The following ZNF248 variants were observed in gnomAD, a reference collection of about 807,000 sequenced individuals.
ZNF248 encodes the protein KRAB protein domain.
ZNF248 carries 20 observed loss-of-function variants against 44.3 expected under a neutral mutation model. The ratio of observed to expected loss-of-function variants is 0.45; its 90% CI spans 0.32 to 0.66. The LOEUF is 0.66. Among genes scored for constraint, ZNF248 ranks in the 30% least tolerant of loss-of-function variants. ZNF248 has a pLI of 0.04. For missense variants in ZNF248, 654 were observed against 677.0 expected, an observed-to-expected ratio of 0.97 and a Z score of 0.38; for synonymous variants, 224 against 229.0, an observed-to-expected ratio of 0.98 and a Z score of 0.20.
chr10:37,831,796 T>C lies in ZNF248; in HGVS notation c.1559A>G (p.Tyr520Cys), dbSNP rs1271193357. Residue 520 changes from tyrosine (Y) to cysteine (C), a missense_variant, in exon 6 of 6, where the codon TAT becomes TGT. By Grantham distance (194) the Tyr-to-Cys change is radical. Transcript: ENST00000395867. ...GGTTTTCCCACATTCATTACACTTA[T>C]ATGGTTTCTCCCCAGTGTGAGTTCT... Reference protein sequence around the residue: ...HQRTHTGEKPYKCNECGKTFC... With the variant: ...HQRTHTGEKPCKCNECGKTFC... 5.6e-6 allele frequency: 9 copies of C among 1,613,124 alleles called. No individual in the cohort carries two copies. The highest frequency in any genetic ancestry group is 1.3e-5 in the African/African-American group (1 of 74,880).
At position 37,830,445 on chromosome 10, in the gene ZNF248, T is replaced by C; in HGVS notation, c.*1170A>G. The C allele has an allele frequency of 1.0e-6, 1 of 985,342 alleles. No homozygotes were observed. Among genetic ancestry groups the C allele is most frequent in the Non-Finnish European group, 1.2e-6 (1 of 829,912 alleles). The allele number at this position is 985,342 out of a possible 1,614,324, so 61.0% of individuals were successfully genotyped here. On this transcript the variant is annotated 3_prime_UTR_variant, in exon 6 of 6. Coordinates refer to ENST00000395867, the MANE Select transcript of ZNF248 (RefSeq NM_021045.3). ...CCAACCTACAAAGAGACTCCGGTAG[T>C]ATTTAGAGTAGGACAGATTCAGAGG...
chr10:37,807,434 G>A (rs926461443), intron 6 of ZNF248, among the ~76,000 whole-genome samples: 10 of 152,102 alleles, frequency 6.6e-5, no homozygotes, highest in Admixed American at 2.6e-4. Flanking sequence ...AGAAGTTTTT[G>A]GATATATTTT....
chr10:37,775,890 G>A (rs2046547342), downstream of ZNF248, among the ~76,000 whole-genome samples: 1 of 152,168 alleles, frequency 6.6e-6, no homozygotes, highest in Non-Finnish European at 1.5e-5. Flanking sequence ...AACCTGGCAG[G>A]TGACTTACCT....
chr10:37,779,972 C>G (rs969733695), intron 6 of ZNF248, among the ~76,000 whole-genome samples: 301 of 150,430 alleles, frequency 2.0e-3, no homozygotes, highest in Non-Finnish European at 3.6e-3. Context: ...TGTGAAGGAC[C>G]TCTTCAAGGA....
chr10:37,818,041 A>T (rs1180646525), intron 6 of ZNF248, among the ~76,000 whole-genome samples: 1 of 151,930 alleles, frequency 6.6e-6, no homozygotes, highest in East Asian at 1.9e-4. Flanking sequence ...TCAGTCTCCC[A>T]AGTAGCTGGG....
At chr10:37,853,674 C>T (rs2060735283) in intron 3 of ZNF248, among the ~76,000 whole-genome samples, 1 of 152,020 alleles carries the variant, frequency 6.6e-6, no homozygotes, top group Non-Finnish European at 1.5e-5. Context: ...GCCACGGTGC[C>T]CGGCCACCGG....
At chr10:37,837,879 C>A in intron 4 of ZNF248, 106 bp downstream of exon 4, 1 of 1,462,810 alleles carries the variant, frequency 6.8e-7, no homozygotes, top group South Asian at 1.3e-5. Context: ...CAAATGGGAT[C>A]AGTCATCTCA....
In ZNF248 at chr10:37,839,281, C is replaced by A. The variant is rs183686034; in HGVS notation, c.16-1170G>T. ...TTCTGTGAGACTCCATTGGGAGAAA[C>A]CTCTAGGAATTTCGCTGATTTTGCT... On this transcript the variant is annotated intron_variant, in intron 3 of 5. Transcript: ENST00000395867. Among the ~76,000 whole-genome samples the A allele has an allele frequency of 2.6e-3, 394 of 152,246 alleles. 1 individual carries two copies. Among genetic ancestry groups the A allele is most frequent in the African/African-American group, 8.8e-3 (367 of 41,538 alleles).
chr10:37,790,740 TTA>T (rs1491173054), intron 6 of ZNF248, among the ~76,000 whole-genome samples: 2 of 139,026 alleles, frequency 1.4e-5, no homozygotes, highest in African/African-American at 5.0e-5. Flanking sequence ...AAATAATTTT[TTA>T]AAAAAATAAA....
chr10:37,817,454 TAG>T (rs1360558327), intron 6 of ZNF248, among the ~76,000 whole-genome samples: 1 of 152,250 alleles, frequency 6.6e-6, no homozygotes, highest in Admixed American at 6.5e-5. Flanking sequence ...GTTGAAAACC[TAG>T]AGAGACTCCA....
chr10:37,787,039 G>C (rs982979724), intron 6 of ZNF248, among the ~76,000 whole-genome samples: 3 of 152,082 alleles, frequency 2.0e-5, no homozygotes, highest in African/African-American at 7.2e-5. Flanking sequence ...CAGCACTTTG[G>C]GAGGCTGAGC....
intron 6 of ZNF248, chr10:37,820,567 T>C: frequency 6.2e-7 from 1 of 1,601,686 alleles, no homozygotes; most frequent in Admixed American, 1.7e-5. Flanking sequence ...CTGGCCCGCT[T>C]CCCCCAGCAA....
chr10:37,811,870 A>G (rs1351154118), intron 6 of ZNF248, among the ~76,000 whole-genome samples: 1 of 151,782 alleles, frequency 6.6e-6, no homozygotes, highest in East Asian at 1.9e-4. Context: ...TAAAAATTAA[A>G]AAGTCACAAT....
intron 6 of ZNF248, among the ~76,000 whole-genome samples, chr10:37,781,017 CG>C (rs1409788806): frequency 6.6e-6 from 1 of 152,072 alleles, no homozygotes; most frequent in East Asian, 1.9e-4. Flanking sequence ...ACGTGAACTG[CG>C]GGGATATGAT....
chr10:37,774,136 G>A (rs1472964580), downstream of ZNF248, among the ~76,000 whole-genome samples: 3 of 152,088 alleles, frequency 2.0e-5, no homozygotes, highest in Non-Finnish European at 4.4e-5. Context: ...CTTCTCTCCT[G>A]ACAGCCACCA....
intron 3 of ZNF248, among the ~76,000 whole-genome samples, chr10:37,847,910 A>G (rs1360400325): frequency 6.6e-6 from 1 of 152,196 alleles, no homozygotes; most frequent in African/African-American, 2.4e-5. Context: ...AAAAGCTAAA[A>G]GAAGAATGGG....
intron 3 of ZNF248, among the ~76,000 whole-genome samples, chr10:37,852,454 T>C (rs2134829658): frequency 6.6e-6 from 1 of 152,050 alleles, no homozygotes; most frequent in East Asian, 1.9e-4. Context: ...TGCCGATTAA[T>C]TTAGGGAGGA....
At chr10:37,845,858 G>C (rs953021126) in intron 3 of ZNF248, among the ~76,000 whole-genome samples, 1 of 152,090 alleles carries the variant, frequency 6.6e-6, no homozygotes, top group Non-Finnish European at 1.5e-5. Context: ...AACCACAAAA[G>C]AGTACCACAA....
intron 6 of ZNF248, among the ~76,000 whole-genome samples, chr10:37,783,473 T>C (rs985547002): frequency 3.3e-5 from 5 of 152,178 alleles, no homozygotes; most frequent in Non-Finnish European, 7.3e-5. Flanking sequence ...TGGTCTTATA[T>C]AGGGCACCAA....
Sources: gnomAD v4.1 joint callset for allele counts (sites outside exome capture counted in the v4.1 genomes callset) on GRCh38, gnomAD v4.1.1 for gene constraint, MANE v1.5 for transcripts, NCBI Gene and HGNC (gene_info 2026-07-23, HGNC 2026-07-21) for gene names.